The following RIMS2 variants were observed in gnomAD, a reference collection of about 807,000 sequenced individuals.
RIMS2 encodes regulating synaptic membrane exocytosis 2.
RIMS2 carries 59 observed loss-of-function variants against 174.4 expected under a neutral mutation model. That is an observed-to-expected ratio of 0.34 (90% CI 0.27 to 0.42). The LOEUF (loss-of-function observed/expected upper bound fraction) is 0.42. Ranked by LOEUF, RIMS2 falls within the 10% of genes least tolerant of loss-of-function variation. The probability of loss-of-function intolerance (pLI) is 1.00; values close to 1 mark genes in which losing one functional copy is unlikely to be tolerated. For missense variants in RIMS2, 1,620 were observed against 1,666.3 expected, an observed-to-expected ratio of 0.97 and a Z score of 0.48; for synonymous variants, 606 against 572.5, an observed-to-expected ratio of 1.06 and a Z score of -0.84.
intron 2 of RIMS2, among the ~76,000 whole-genome samples, chr8:103,735,697 T>C (rs1160490898): frequency 2.0e-5 from 3 of 152,170 alleles, no homozygotes; most frequent in Admixed American, 6.6e-5. Context: ...GGCCTGGGAT[T>C]AGTGTTCTTG....
intron 19 of RIMS2, among the ~76,000 whole-genome samples, chr8:104,137,928 C>T (rs1599715893): frequency 6.6e-6 from 1 of 152,142 alleles, no homozygotes; most frequent in African/African-American, 2.4e-5. Flanking sequence ...CCTATTCTCC[C>T]CACCTGCCAC....
intron 10 of RIMS2, among the ~76,000 whole-genome samples, chr8:103,924,076 G>A (rs1428176263): frequency 6.6e-6 from 1 of 151,536 alleles, no homozygotes; most frequent in Non-Finnish European, 1.5e-5. Context: ...TAATGATACT[G>A]TGGAAATCCT....
chr8:104,113,746 A>T (rs150423653), intron 19 of RIMS2, among the ~76,000 whole-genome samples: 12 of 151,590 alleles, frequency 7.9e-5, no homozygotes, highest in Non-Finnish European at 1.6e-4. Context: ...ATAATTCTTC[A>T]TTTTTTCATA....
intron 1 of RIMS2, among the ~76,000 whole-genome samples, chr8:103,530,503 G>A (rs998273446): frequency 6.6e-6 from 1 of 152,048 alleles, no homozygotes; most frequent in Non-Finnish European, 1.5e-5. Context: ...TATGAGATGT[G>A]TCTAAAATCT....
chr8:103,571,467 T>G (rs1431937798), intron 1 of RIMS2, among the ~76,000 whole-genome samples: 1 of 152,148 alleles, frequency 6.6e-6, no homozygotes, highest in Non-Finnish European at 1.5e-5. Context: ...GCTGCTTTCC[T>G]TTTTTTACTT....
intron 19 of RIMS2, among the ~76,000 whole-genome samples, chr8:104,186,875 C>G (rs2098970845): frequency 6.6e-6 from 1 of 151,702 alleles, no homozygotes; most frequent in Non-Finnish European, 1.5e-5. Flanking sequence ...AAGACCAGAC[C>G]TCTAGCATGA....
chr8:103,547,966 A>G (rs570483682), intron 1 of RIMS2, among the ~76,000 whole-genome samples: 240 of 152,306 alleles, frequency 1.6e-3, no homozygotes, highest in African/African-American at 5.6e-3. Context: ...ACCAGGAAGA[A>G]ACTGTATCCT....
intron 1 of RIMS2, among the ~76,000 whole-genome samples, chr8:103,582,438 T>C (rs1185527152): frequency 6.6e-6 from 1 of 152,134 alleles, no homozygotes; most frequent in African/African-American, 2.4e-5. Flanking sequence ...GTCTTGCACC[T>C]TAGGTGCCAA....
chr8:104,070,576 A>G lies in RIMS2; in HGVS notation c.3334+55961A>G, dbSNP rs942346350. Among the ~76,000 whole-genome samples, 6 of 152,194 alleles carry G rather than the reference A, an allele frequency of 3.9e-5. No homozygotes were observed. In the South Asian group the frequency reaches 8.3e-4, roughly 21 times the overall value. ...TGTATTTCTGCCTACAACTAAATAG[A>G]CACACCTGACCTTTTGTGGTTTTTT... On this transcript the variant is annotated intron_variant, in intron 19 of 23. Transcript: ENST00000504942.
chr8:103,962,967 GT>G (rs1057265578), intron 15 of RIMS2, among the ~76,000 whole-genome samples: 3 of 151,562 alleles, frequency 2.0e-5, no homozygotes, highest in South Asian at 2.1e-4. Context: ...GGTATATGTA[GT>G]TTTTTTTCAT....
chr8:103,787,066 C>G (rs2154438217), intron 3 of RIMS2, among the ~76,000 whole-genome samples: 2 of 148,502 alleles, frequency 1.3e-5, no homozygotes, highest in South Asian at 4.5e-4. Flanking sequence ...GGTTTAAAGT[C>G]TGTTTTATCA....
In RIMS2 at chr8:104,123,248, A is replaced by G. The variant is rs905767573; in HGVS notation, c.3334+108633A>G. 2.6e-5 allele frequency among the ~76,000 whole-genome samples: 4 copies of G among 152,142 alleles called. No individual in the cohort carries two copies. In the South Asian group the frequency reaches 8.3e-4, roughly 32 times the overall value. On this transcript the variant is annotated intron_variant, in intron 19 of 23. Coordinates refer to ENST00000504942, the Ensembl canonical transcript of RIMS2. ...TGTATATTTTTATTTTATTTAATGT[A>G]TATGTAGAGGAAATGATCTTACGAT...
chr8:103,732,293 G>T (rs1258409866), intron 2 of RIMS2, among the ~76,000 whole-genome samples: 1 of 152,204 alleles, frequency 6.6e-6, no homozygotes, highest in African/African-American at 2.4e-5. Flanking sequence ...TTTCTCCAAA[G>T]AAATGGAGCC....
chr8:104,148,836 C>T (rs756733769), intron 19 of RIMS2: 3 of 1,597,466 alleles, frequency 1.9e-6, no homozygotes, highest in Non-Finnish European at 2.5e-6. Context: ...TGCTTCTCAG[C>T]TCAGCCAAAC....
At chr8:103,955,430 T>C (rs998471387) in intron 14 of RIMS2, among the ~76,000 whole-genome samples, 5 of 152,140 alleles carry the variant, frequency 3.3e-5, no homozygotes, top group Admixed American at 6.5e-5. Flanking sequence ...TCCCTGGGAT[T>C]CAAGGCTGGT....
At chr8:103,817,216 T>C (rs2098723334) in intron 3 of RIMS2, among the ~76,000 whole-genome samples, 1 of 152,140 alleles carries the variant, frequency 6.6e-6, no homozygotes, top group African/African-American at 2.4e-5. Context: ...TAAAGTTACT[T>C]GCGAGTTAAA....
chr8:104,245,210 A>G (rs571324204), intron 20 of RIMS2, among the ~76,000 whole-genome samples, 153 bp downstream of exon 26: 1 of 152,364 alleles, frequency 6.6e-6, no homozygotes, highest in Admixed American at 6.5e-5. Flanking sequence ...CTCACCTGCC[A>G]CTGAACAATG....
chr8:103,503,222 T>C (rs1225879844), intron 1 of RIMS2, among the ~76,000 whole-genome samples: 1 of 152,010 alleles, frequency 6.6e-6, no homozygotes, highest in Non-Finnish European at 1.5e-5. Context: ...ATTCTTGTTA[T>C]ATTTATTTTA....
chr8:103,639,519 G>A (rs1235434951), intron 1 of RIMS2, among the ~76,000 whole-genome samples: 1 of 151,866 alleles, frequency 6.6e-6, no homozygotes, highest in Non-Finnish European at 1.5e-5. Context: ...GCCTTTCCCA[G>A]AATGTCATAT....
Sources: allele counts gnomAD v4.1 joint callset (sites outside exome capture counted in the v4.1 genomes callset), GRCh38; gene constraint gnomAD v4.1.1; transcripts MANE v1.5; gene names NCBI Gene and HGNC (gene_info 2026-07-23, HGNC 2026-07-21).